Variants in GABPB1 observed in about 807,000 individuals in gnomAD.
GABPB1 encodes GA binding protein transcription factor subunit beta 1, also known as GA-binding protein subunit beta-1.
GABPB1 carries 15 observed loss-of-function variants against 45.9 expected under a neutral mutation model. The ratio of observed to expected loss-of-function variants is 0.33; its 90% CI spans 0.22 to 0.50. The LOEUF is 0.50. Among genes scored for constraint, GABPB1 ranks in the 20% least tolerant of loss-of-function variants. The pLI is 0.98. For missense variants in GABPB1, 252 were observed against 457.5 expected (o/e 0.55, Z 4.10); for synonymous variants, 143 against 154.4 (o/e 0.93, Z 0.55).
At chr15:50,281,252 C>T (rs991098191) in intron 8 of GABPB1, among the ~76,000 whole-genome samples, 2 of 152,156 alleles carry the variant, frequency 1.3e-5, no homozygotes, top group Non-Finnish European at 2.9e-5. Context: ...TGCTCTGTTG[C>T]CCAGGCTGGA....
intron 1 of GABPB1, chr15:50,349,732 C>T (rs1330492201): frequency 6.6e-6 from 1 of 152,176 alleles, no homozygotes; most frequent in Non-Finnish European, 1.5e-5. Context: ...TACAAACTTG[C>T]TTAAAATGCA....
chr15:50,310,144 G>A (rs145356715), intron 1 of GABPB1, among the ~76,000 whole-genome samples: 1 of 152,326 alleles, frequency 6.6e-6, no homozygotes, highest in East Asian at 1.9e-4. Flanking sequence ...CCAGGCTGGA[G>A]TGCAGTGGCA....
chr15:50,309,787 T>C lies in GABPB1; in HGVS notation c.12A>G (p.Val4=). 1 of 1,608,546 alleles carries C rather than the reference T, an allele frequency of 6.2e-7. No individual in the cohort carries two copies. Among genetic ancestry groups the C allele is most frequent in the African/African-American group, 1.3e-5 (1 of 74,936 alleles). ...CTTCTAAAAGCTTCTTTCCCAAATC[T>C]ACCAGGGACATCTAAACAAAACATA... is the stretch of plus-strand genomic sequence containing the variant. MSL[V]DLGKKLLEAA... The change falls in exon 2 of 9, where the codon GTA becomes GTG. Residue 4 remains valine, a synonymous_variant. Coordinates refer to ENST00000380877, the MANE Select transcript of GABPB1 (RefSeq NM_016654.5).
chr15:50,289,667 T>C lies in GABPB1; in HGVS notation c.699A>G (p.Val233=). The C allele has an allele frequency of 6.3e-7, 1 of 1,584,348 alleles. No homozygotes were observed. Among genetic ancestry groups the C allele is most frequent in the South Asian group, 1.2e-5 (1 of 86,290 alleles). ...APLSNSSETP[V]VATEEVVTAE... ...CAGTAACTACTTCTTCTGTGGCCAC[T>C]ACTGGAAAAAAAAAAAAGAAAACTC... is the stretch of plus-strand genomic sequence containing the variant. Residue 233 remains valine, a splice_region_variant and synonymous_variant, in exon 7 of 9, where the codon GTA becomes GTG. Coordinates refer to ENST00000380877, the MANE Select transcript of GABPB1 (RefSeq NM_016654.5).
intron 1 of GABPB1, among the ~76,000 whole-genome samples, chr15:50,345,714 T>G (rs2048546966): frequency 6.6e-6 from 1 of 152,084 alleles, no homozygotes; most frequent in Non-Finnish European, 1.5e-5. Context: ...CTGTACATTT[T>G]TTTTTGTTTT....
intron 2 of GABPB1, among the ~76,000 whole-genome samples, chr15:50,308,194 T>G (rs923629497): frequency 1.3e-5 from 2 of 152,220 alleles, no homozygotes; most frequent in African/African-American, 2.4e-5. Flanking sequence ...TGAATTTCAT[T>G]TGTGGATATG....
At chr15:50,335,398 A>G (rs1406933540) in intron 1 of GABPB1, among the ~76,000 whole-genome samples, 1 of 152,150 alleles carries the variant, frequency 6.6e-6, no homozygotes, top group East Asian at 1.9e-4. Context: ...ACCCCATAAG[A>G]CTGATGAACA....
At chr15:50,354,694 C>A (rs2049022865) in intron 1 of GABPB1, 4 of 373,404 alleles carry the variant, frequency 1.1e-5, no homozygotes, top group South Asian at 7.5e-5. Context: ...GCGGCCGCGG[C>A]ATGCTAGGGC....
Position 50,332,064 on chromosome 15 carries a change from G to A in GABPB1, c.1-22266C>T, listed in dbSNP as rs187948192. ...TGATTTTTGTATTTTTAGTAGAGACGGGGTTTCACCATGTTGATCATGCTG... is the reference window on the plus strand; with the variant it reads ...TGATTTTTGTATTTTTAGTAGAGACAGGGTTTCACCATGTTGATCATGCTG... On this transcript the variant is annotated intron_variant, in intron 1 of 8. Coordinates refer to ENST00000380877, the MANE Select transcript of GABPB1 (RefSeq NM_016654.5). Among the ~76,000 whole-genome samples, 236 of 151,838 alleles carry A rather than the reference G, an allele frequency of 1.6e-3. 1 individual carries two copies. The highest frequency in any genetic ancestry group is 5.2e-3 in the African/African-American group (215 of 41,392).
intron 1 of GABPB1, among the ~76,000 whole-genome samples, chr15:50,347,967 C>T (rs1395680034): frequency 6.9e-6 from 1 of 144,058 alleles, no homozygotes; most frequent in African/African-American, 2.7e-5. Flanking sequence ...CACTTGAACC[C>T]GGGAGGCAGA....
chr15:50,319,870 TAAAC>T (rs1168620222), intron 1 of GABPB1, among the ~76,000 whole-genome samples: 5 of 150,992 alleles, frequency 3.3e-5, no homozygotes, highest in Admixed American at 1.3e-4. Context: ...AAAATCACAA[TAAAC>T]AAACACATGT....
intron 1 of GABPB1, 41 bp from the exon 2 acceptor site, chr15:50,309,839 T>G: frequency 1.8e-6 from 2 of 1,134,716 alleles, no homozygotes; most frequent in Non-Finnish European, 2.7e-6. Flanking sequence ...AAATCTCCAT[T>G]TATACACTAT....
rs564895820 is a variant in GABPB1 at position 50,313,326 on chromosome 15, C to T, written c.1-3528G>A. 9.3e-4 allele frequency among the ~76,000 whole-genome samples: 141 copies of T among 152,172 alleles called. 1 individual carries two copies. The highest frequency in any genetic ancestry group is 3.9e-4 in the Admixed American group (6 of 15,278). On this transcript the variant is annotated intron_variant, in intron 1 of 8. Coordinates refer to ENST00000380877, the MANE Select transcript of GABPB1 (RefSeq NM_016654.5). ...TAAAGTAAATAATTTTAAAGTAATT[C>T]CTGATGCAGCCAAGAATTAAGTGAA...
At chr15:50,303,485 C>T (rs975125093) in intron 3 of GABPB1, among the ~76,000 whole-genome samples, 3 of 152,082 alleles carry the variant, frequency 2.0e-5, no homozygotes, top group Non-Finnish European at 4.4e-5. Flanking sequence ...AGTTCGAGAC[C>T]AGTCAAGCCA....
intron 1 of GABPB1, chr15:50,353,377 T>C (rs1337919435): frequency 6.6e-6 from 1 of 152,124 alleles, no homozygotes; most frequent in Non-Finnish European, 1.5e-5. Context: ...GAATGACACA[T>C]TTCTGTTTTT....
intron 1 of GABPB1, among the ~76,000 whole-genome samples, chr15:50,347,980 TTACA>T (rs2141180559): frequency 7.0e-6 from 1 of 143,378 alleles, no homozygotes; most frequent in South Asian, 2.2e-4. Context: ...GAGGCAGAGG[TTACA>T]GTGAGCCTAG....
chr15:50,323,090 G>T (rs2047631883), intron 1 of GABPB1, among the ~76,000 whole-genome samples: 1 of 152,142 alleles, frequency 6.6e-6, no homozygotes. Context: ...AATTAATTTT[G>T]CTGGGCACAG....
rs143356993 is a variant in GABPB1 at position 50,293,352 on chromosome 15, T to C, written c.698-3684A>G. On this transcript the variant is annotated intron_variant, in intron 6 of 8. Transcript: ENST00000380877. ...CTCAACAGGCCTGGCTTCAACTCTG[T>C]TACTGTGTTACTTAGTAATCAAGGA... Among the ~76,000 whole-genome samples the C allele has an allele frequency of 7.3e-3, 1,109 of 152,312 alleles. 8 individuals are homozygous for C. Among genetic ancestry groups the C allele is most frequent in the Middle Eastern group, 0.014 (4 of 294 alleles).
intron 1 of GABPB1, among the ~76,000 whole-genome samples, chr15:50,324,789 C>T (rs557415940): frequency 5.3e-5 from 8 of 152,174 alleles, no homozygotes; most frequent in African/African-American, 9.6e-5. Flanking sequence ...TCAGGCAATT[C>T]GCCCGCCTTG....
Sources: gnomAD v4.1 joint callset for allele counts (sites outside exome capture counted in the v4.1 genomes callset) on GRCh38, gnomAD v4.1.1 for gene constraint, MANE v1.5 for transcripts, NCBI Gene and HGNC (gene_info 2026-07-23, HGNC 2026-07-21) for gene names.